The following ACER3 variants were observed in gnomAD, a reference collection of about 807,000 sequenced individuals.
The protein encoded by ACER3 is alkaline ceramidase 3, also known as alkCDase 3.
In ACER3, 16 loss-of-function variants were observed where a neutral mutation model predicts 48.9. The ratio of observed to expected loss-of-function variants is 0.33; its 90% CI spans 0.22 to 0.50. ACER3 has a LOEUF of 0.50. Ranked by LOEUF, ACER3 falls within the 20% of genes least tolerant of loss-of-function variation. The pLI, the probability that ACER3 is intolerant of heterozygous loss-of-function variation, is 0.98. For synonymous variants in ACER3, 109 were observed against 107.8 expected (o/e 1.01, Z -0.07); for missense variants, 227 against 326.0 (o/e 0.70, Z 2.34).
At chr11:76,868,964 A>G (rs1400892645) in intron 1 of ACER3, among the ~76,000 whole-genome samples, 1 of 152,224 alleles carries the variant, frequency 6.6e-6, no homozygotes, top group African/African-American at 2.4e-5. Flanking sequence ...GACCCTTCCA[A>G]ACCTGCCCCT....
intron 1 of ACER3, among the ~76,000 whole-genome samples, chr11:76,888,677 GCAGACCACAA>G (rs6144399): frequency 0.46 from 70,389 of 151,694 alleles, 19,087 homozygotes; most frequent in Non-Finnish European, 0.63. Flanking sequence ...ACCAAAATAG[GCAGACCACAA>G]CATAGTAGCT....
chr11:76,905,771 A>G (rs968872528), intron 1 of ACER3, among the ~76,000 whole-genome samples: 6 of 152,250 alleles, frequency 3.9e-5, no homozygotes, highest in African/African-American at 1.2e-4. Context: ...TATAGTATCT[A>G]ATAGATCTCT....
intron 2 of ACER3, among the ~76,000 whole-genome samples, chr11:76,953,664 TA>T (rs1947753823): frequency 6.6e-6 from 1 of 152,180 alleles, no homozygotes; most frequent in Non-Finnish European, 1.5e-5. Flanking sequence ...CCTCACTTTT[TA>T]AAAAGTTGTA....
rs782798720 is a variant in ACER3 at position 76,998,853 on chromosome 11, G to A, written c.497+32G>A. ...AGTTTGGATCATCTGCACCATGACT[G>A]AAGTATATTCAGACCTATAACAGTA... On this transcript the variant is annotated intron_variant, in intron 7 of 10. Transcript: ENST00000532485. 5.9e-6 allele frequency: 9 copies of A among 1,525,596 alleles called. No homozygotes were observed. In the South Asian group the frequency reaches 1.1e-4, roughly 18 times the overall value. 94.5% of individuals were successfully genotyped at this position (1,525,596 alleles called of 1,614,324 possible). A position where few individuals can be genotyped will look rare whatever the true frequency, so the allele number is the denominator to read the frequency against.
intron 7 of ACER3, among the ~76,000 whole-genome samples, chr11:77,003,039 A>G (rs1949065513): frequency 6.6e-6 from 1 of 152,188 alleles, no homozygotes; most frequent in South Asian, 2.1e-4. Flanking sequence ...GGAGATAGAC[A>G]GTGGTAAGGT....
chr11:77,011,502 C>T, intron 7 of ACER3: 2 of 457,576 alleles, frequency 4.4e-6, no homozygotes, highest in East Asian at 1.5e-4. Flanking sequence ...TTTCTTGGGA[C>T]TCATTCTTGC....
chr11:76,900,564 A>T (rs574858859), intron 1 of ACER3, among the ~76,000 whole-genome samples: 1 of 152,140 alleles, frequency 6.6e-6, no homozygotes, highest in Admixed American at 6.5e-5. Context: ...TCATTTTCAT[A>T]ATCCCAGCAC....
chr11:77,022,882 AAAAAAAAAAAG>A lies in ACER3; in HGVS notation c.*2560_*2570del. The stretch of plus-strand genomic sequence containing the variant: ...AGACTCCGTCTCAAAAAAAAAAAAA[AAAAAAAAAAAG>A]AAAAGAAAAGAAAATATAAGGATGT... On this transcript the variant is annotated 3_prime_UTR_variant, in exon 11 of 11. Coordinates refer to ENST00000532485, the MANE Select transcript of ACER3 (RefSeq NM_018367.7). 4.5e-5 allele frequency: 1 copy of A among 22,162 alleles called. No individual in the cohort carries two copies. 1.4% of individuals were successfully genotyped at this position (22,162 alleles called of 1,614,324 possible). A position where few individuals can be genotyped will look rare whatever the true frequency, so the allele number is the denominator to read the frequency against.
chr11:76,994,548 G>A (rs1473399113), intron 6 of ACER3, among the ~76,000 whole-genome samples: 3 of 152,260 alleles, frequency 2.0e-5, no homozygotes, highest in African/African-American at 4.8e-5. Flanking sequence ...TTACAGGCAT[G>A]TGCCATCATG....
intron 1 of ACER3, among the ~76,000 whole-genome samples, chr11:76,871,910 A>G (rs1945250101): frequency 6.6e-6 from 1 of 152,162 alleles, no homozygotes; most frequent in African/African-American, 2.4e-5. Flanking sequence ...GGAATTTGGT[A>G]TCTTGTTGCT....
At chr11:76,927,312 G>C (rs1254339639) in intron 2 of ACER3, among the ~76,000 whole-genome samples, 1 of 152,116 alleles carries the variant, frequency 6.6e-6, no homozygotes, top group African/African-American at 2.4e-5. Flanking sequence ...ATAAGTACTG[G>C]ATGGATGGGT....
intron 1 of ACER3, among the ~76,000 whole-genome samples, chr11:76,900,447 C>G (rs1946050779): frequency 1.3e-5 from 2 of 152,138 alleles, no homozygotes; most frequent in Non-Finnish European, 1.5e-5. Flanking sequence ...CAGTACTTTT[C>G]CACTATTTGC....
intron 1 of ACER3, among the ~76,000 whole-genome samples, chr11:76,877,940 T>A (rs77973630): frequency 1.4e-5 from 2 of 146,350 alleles, no homozygotes; most frequent in African/African-American, 2.5e-5. Context: ...TTTTTTTTTT[T>A]AAACACAAAT....
At chr11:77,014,927 T>G in intron 7 of ACER3, 89 bp from the exon 8 acceptor site, 1 of 794,062 alleles carries the variant, frequency 1.3e-6, no homozygotes, top group Non-Finnish European at 2.2e-6. Flanking sequence ...CCAGCCCTTA[T>G]AAAAAAGGAA....
At chr11:76,882,516 T>A (rs551175191) in intron 1 of ACER3, among the ~76,000 whole-genome samples, 61 of 152,320 alleles carry the variant, frequency 4.0e-4, no homozygotes, top group African/African-American at 1.3e-3. Context: ...CTATCTTTTT[T>A]CATTATTGTT....
At chr11:76,934,155 C>T (rs1280609848) in intron 2 of ACER3, among the ~76,000 whole-genome samples, 1 of 151,924 alleles carries the variant, frequency 6.6e-6, no homozygotes, top group Non-Finnish European at 1.5e-5. Context: ...ACGCTCCTCA[C>T]TTCCTAGATG....
At chr11:76,997,141 C>T (rs1953723014) in intron 6 of ACER3, among the ~76,000 whole-genome samples, 2 of 152,158 alleles carry the variant, frequency 1.3e-5, no homozygotes, top group Non-Finnish European at 2.9e-5. Context: ...CTATAAGGAT[C>T]TTTTTTTCCT....
chr11:76,914,639 G>A (rs560635655), intron 1 of ACER3, among the ~76,000 whole-genome samples: 14 of 152,154 alleles, frequency 9.2e-5, no homozygotes, highest in South Asian at 2.1e-4. Context: ...ACAGTGTGGC[G>A]ATTCCTCAAG....
chr11:77,011,526 G>A (rs1949263343), intron 7 of ACER3, among the ~76,000 whole-genome samples: 1 of 152,074 alleles, frequency 6.6e-6, no homozygotes, highest in Admixed American at 6.6e-5. Flanking sequence ...CCTCAAATGG[G>A]GGCTATGATA....
Sources: allele counts gnomAD v4.1 joint callset (sites outside exome capture counted in the v4.1 genomes callset), GRCh38; gene constraint gnomAD v4.1.1; transcripts MANE v1.5; gene names NCBI Gene and HGNC (gene_info 2026-07-23, HGNC 2026-07-21).